Variants in SMARCAD1 observed in about 807,000 individuals in gnomAD.
The protein encoded by SMARCAD1 is SWI/SNF-related matrix-associated actin-dependent regulator of chromatin subfamily A containing DEAD/H box 1.
In SMARCAD1, 25 loss-of-function variants were observed where a neutral mutation model predicts 127.1. The observed-to-expected ratio is 0.20, with a 90% CI of 0.14 to 0.27. The LOEUF is 0.27. Ranked by LOEUF, SMARCAD1 falls within the 10% of genes least tolerant of loss-of-function variation. The pLI is 1.00. For missense variants in SMARCAD1, 807 were observed against 1,206.0 expected (o/e 0.67, Z 4.90); for synonymous variants, 400 against 396.9 (o/e 1.01, Z -0.09).
chr4:94,283,741 C>T (rs895850177), intron 22 of SMARCAD1, among the ~76,000 whole-genome samples: 6 of 151,994 alleles, frequency 3.9e-5, no homozygotes, highest in East Asian at 3.9e-4. Flanking sequence ...AGGAGAACGG[C>T]GTGAACCTGG....
chr4:94,270,914 A>G (rs1293000912), intron 11 of SMARCAD1, 96 bp downstream of exon 11: 34 of 1,037,570 alleles, frequency 3.3e-5, no homozygotes, highest in Non-Finnish European at 4.6e-5. Context: ...TTGCTACTGT[A>G]GTTAACTACT....
chr4:94,250,875 A>G, intron 8 of SMARCAD1, 42 bp downstream of exon 8: 1 of 1,458,230 alleles, frequency 6.9e-7, no homozygotes, highest in East Asian at 2.3e-5. Context: ...TTCTCATTAT[A>G]GTCTGTATTT....
chr4:94,226,058 C>G (rs1299232533), intron 2 of SMARCAD1, 61 bp from the exon 3 acceptor site: 42 of 1,358,554 alleles, frequency 3.1e-5, no homozygotes, highest in Non-Finnish European at 4.3e-5. Context: ...ATGATTATAA[C>G]TAACAACAGA....
At chr4:94,278,322 C>CA in intron 16 of SMARCAD1, 100 bp from the exon 17 acceptor site, 2 of 1,042,446 alleles carry the variant, frequency 1.9e-6, no homozygotes, top group Non-Finnish European at 1.5e-6. Context: ...GAAAATAACT[C>CA]AGACTCTAAT....
intron 3 of SMARCAD1, among the ~76,000 whole-genome samples, chr4:94,232,196 T>A (rs558485283): frequency 4.6e-4 from 69 of 150,424 alleles, no homozygotes; most frequent in Non-Finnish European, 6.9e-4. Context: ...TTATTTATTT[T>A]CTATCACTTG....
At chr4:94,270,077 C>T (rs1172136211) in intron 10 of SMARCAD1, among the ~76,000 whole-genome samples, 1 of 151,542 alleles carries the variant, frequency 6.6e-6, no homozygotes, top group African/African-American at 2.4e-5. Flanking sequence ...ATGCTACTTT[C>T]TACTCACTGA....
chr4:94,289,382 A>C (rs906361967), intron 23 of SMARCAD1, 91 bp from the exon 24 acceptor site: 10 of 1,175,312 alleles, frequency 8.5e-6, no homozygotes, highest in African/African-American at 1.5e-5. Context: ...AAGATGAGTA[A>C]GAATTCACCA....
chr4:94,233,828 A>G (rs1237678363), intron 3 of SMARCAD1, 126 bp from the exon 4 acceptor site: 8 of 1,023,498 alleles, frequency 7.8e-6, no homozygotes, highest in South Asian at 1.4e-5. Flanking sequence ...TCTGACAAGT[A>G]TAGATTGCAT....
At position 94,286,497 on chromosome 4, in the gene SMARCAD1, C is replaced by T. The variant is rs768435230; in HGVS notation, c.3019+1428C>T. Among the ~76,000 whole-genome samples the T allele has an allele frequency of 2.0e-4, 30 of 152,312 alleles. 1 individual carries two copies. The Middle Eastern group carries it at 0.01, about 52-fold the overall frequency. On this transcript the variant is annotated intron_variant, in intron 23 of 23. Transcript: ENST00000354268. ...GTGTGAACTAGCCTTGCATTTCCCA[C>T]CTGCAGACACTTAAGCTTTTACTTT... is the stretch of plus-strand genomic sequence containing the variant.
In SMARCAD1 at chr4:94,289,558, T is replaced by A; in HGVS notation, c.*24T>A. 2 of 1,585,900 alleles carry A rather than the reference T, an allele frequency of 1.3e-6. No homozygotes were observed. The highest frequency in any genetic ancestry group is 2.2e-5 in the South Asian group (2 of 90,556). On this transcript the variant is annotated 3_prime_UTR_variant, in exon 24 of 24. Transcript: ENST00000354268. ...GAAATAAGAACTGTGAACTCTCAAT[T>A]GATGAGGAAATATCAACTTGGTGCA...
In SMARCAD1 at chr4:94,284,916, A is replaced by T; in HGVS notation, c.2910-44A>T. 1.7e-6 allele frequency: 2 copies of T among 1,147,346 alleles called. 1 individual carries two copies. The highest frequency in any genetic ancestry group is 2.5e-5 in the South Asian group (2 of 80,116). The allele number at this position is 1,147,346 out of a possible 1,614,324, so 71.1% of individuals were successfully genotyped here. ...AATATAGTTTACATATATCCAAATA[A>T]CTATATTTAGTAACCAATGGACATA... On this transcript the variant is annotated intron_variant, in intron 22 of 23. Coordinates refer to ENST00000354268, the MANE Select transcript of SMARCAD1 (RefSeq NM_020159.5).
intron 10 of SMARCAD1, among the ~76,000 whole-genome samples, chr4:94,265,277 A>G (rs1467703838): frequency 6.6e-6 from 1 of 152,010 alleles, no homozygotes; most frequent in Non-Finnish European, 1.5e-5. Context: ...TAATTGCATC[A>G]GCGTAAAACC....
chr4:94,287,006 A>G (rs1425122435), intron 23 of SMARCAD1, among the ~76,000 whole-genome samples: 4 of 152,182 alleles, frequency 2.6e-5, no homozygotes, highest in Non-Finnish European at 5.9e-5. Context: ...CTGGGACTAT[A>G]GGTGCCCGCC....
intron 23 of SMARCAD1, among the ~76,000 whole-genome samples, chr4:94,286,577 A>G (rs1754968241): frequency 6.6e-6 from 1 of 151,990 alleles, no homozygotes; most frequent in South Asian, 2.1e-4. Flanking sequence ...AGTTGTAGAC[A>G]ACTCTCTGTC....
Position 94,280,579 on chromosome 4 carries a change from G to T in SMARCAD1, c.2419-13G>T. 1 of 1,609,946 alleles carries T rather than the reference G, an allele frequency of 6.2e-7. No individual in the cohort carries two copies. Among genetic ancestry groups the T allele is most frequent in the Non-Finnish European group, 8.5e-7 (1 of 1,177,356 alleles). On this transcript the variant is annotated splice_polypyrimidine_tract_variant and intron_variant, in intron 19 of 23. Coordinates refer to ENST00000354268, the MANE Select transcript of SMARCAD1 (RefSeq NM_020159.5). ...TTTATTTTGAAGTATACTGTGTTTT[G>T]TTTTGTTTTAAGGAACCTACACATT... is the stretch of plus-strand genomic sequence containing the variant.
At position 94,251,677 on chromosome 4, in the gene SMARCAD1, GAGTA is replaced by G. The variant is rs376273653; in HGVS notation, c.889+850_889+853del. Among the ~76,000 whole-genome samples the G allele has an allele frequency of 3.9e-5, 6 of 152,186 alleles. 1 individual carries two copies. Among genetic ancestry groups the G allele is most frequent in the African/African-American group, 1.4e-4 (6 of 41,524 alleles). ...ATCTGTGTAAGTCTAATAGCTTTCT[GAGTA>G]AGTAAAAATTTCTGAATAAAGTATT... On this transcript the variant is annotated intron_variant, in intron 8 of 23. Transcript: ENST00000354268.
Position 94,226,142 on chromosome 4 carries a change from C to A in SMARCAD1, c.214C>A (p.Pro72Thr), listed in dbSNP as rs1457345949. 10 of 1,610,916 alleles carry A rather than the reference C, an allele frequency of 6.2e-6. No individual in the cohort carries two copies. The highest frequency in any genetic ancestry group is 8.5e-6 in the Non-Finnish European group (10 of 1,177,866). The change falls in exon 3 of 24, where the codon CCA (proline) becomes ACA (threonine). Residue 72 changes from proline (P) to threonine (T), a missense_variant. Pro to Thr is a conservative substitution (Grantham distance 38). Transcript: ENST00000354268. ...KTEDSSVPET[P>T]DNERKASISY... ...AGAAGATTCTAGTGTTCCAGAAACT[C>A]CAGATAATGAAAGAAAAGCAAGTAT...
chr4:94,249,632 CT>C lies in SMARCAD1; in HGVS notation c.706-12del, dbSNP rs765320730. The C allele has an allele frequency of 1.7e-3, 1,984 of 1,148,670 alleles. No homozygotes were observed. Among genetic ancestry groups the C allele is most frequent in the Non-Finnish European group, 2.1e-3 (1,674 of 787,006 alleles). The allele number at this position is 1,148,670 out of a possible 1,614,324, so 71.2% of individuals were successfully genotyped here. A position where few individuals can be genotyped will look rare whatever the true frequency, so the allele number is the denominator to read the frequency against. On this transcript the variant is annotated intron_variant, in intron 6 of 23. Coordinates refer to ENST00000354268, the MANE Select transcript of SMARCAD1 (RefSeq NM_020159.5). ...TTATTGATATCTCTTAAATTGTTTT[CT>C]TTTTTTTTTCTCCCCATTAGGGAGA...
intron 3 of SMARCAD1, 143 bp from the exon 4 acceptor site, chr4:94,233,811 G>T (rs1746222134): frequency 1.2e-6 from 1 of 851,900 alleles, no homozygotes; most frequent in Non-Finnish European, 1.8e-6. Context: ...GAAAAAAAAG[G>T]TCTCTTTCTG....
Sources: allele counts gnomAD v4.1 joint callset (sites outside exome capture counted in the v4.1 genomes callset), GRCh38; gene constraint gnomAD v4.1.1; transcripts MANE v1.5; gene names NCBI Gene and HGNC (gene_info 2026-07-23, HGNC 2026-07-21).